The following PLEKHA5 variants were observed in gnomAD, a reference collection of about 807,000 sequenced individuals.
PLEKHA5 encodes the protein pleckstrin homology domain-containing family A member 5.
Under a neutral mutation model 181.9 loss-of-function variants are expected in PLEKHA5, and 55 were observed. That is an observed-to-expected ratio of 0.30 (90% confidence interval 0.24 to 0.38). The LOEUF is 0.38. PLEKHA5 is among the 10% of genes least tolerant of loss of function. PLEKHA5 has a pLI of 1.00. For synonymous variants in PLEKHA5, 535 were observed against 529.4 expected, an observed-to-expected ratio of 1.01 and a Z score of -0.15; for missense variants, 1,432 against 1,549.5, an observed-to-expected ratio of 0.92 and a Z score of 1.27.
chr12:19,315,089 C>T (rs987203413), intron 16 of PLEKHA5, among the ~76,000 whole-genome samples, 195 bp downstream of exon 16: 5 of 151,438 alleles, frequency 3.3e-5, no homozygotes, highest in Admixed American at 6.6e-5. Flanking sequence ...CTTCGCTGAA[C>T]ATTTTGCTGT....
At chr12:19,302,697 T>C (rs2081891031) in intron 15 of PLEKHA5, among the ~76,000 whole-genome samples, 1 of 152,024 alleles carries the variant, frequency 6.6e-6, no homozygotes, top group South Asian at 2.1e-4. Context: ...ACCCCCAGCC[T>C]ACTGGTGTAG....
chr12:19,187,280 A>G (rs186149248), intron 3 of PLEKHA5, among the ~76,000 whole-genome samples: 7 of 152,314 alleles, frequency 4.6e-5, no homozygotes, highest in African/African-American at 1.7e-4. Context: ...GGTAGTACAC[A>G]TGGTGAATGA....
At chr12:19,195,073 T>G (rs2151997571) in intron 3 of PLEKHA5, among the ~76,000 whole-genome samples, 1 of 152,200 alleles carries the variant, frequency 6.6e-6, no homozygotes, top group Non-Finnish European at 1.5e-5. Context: ...TTCTGTAGGG[T>G]GAGAAATAGT....
At chr12:19,137,643 C>T (rs552714162) in intron 3 of PLEKHA5, among the ~76,000 whole-genome samples, 28 of 152,274 alleles carry the variant, frequency 1.8e-4, no homozygotes, top group African/African-American at 6.7e-4. Flanking sequence ...GCATTAAACT[C>T]CTATAATCCT....
intron 15 of PLEKHA5, among the ~76,000 whole-genome samples, chr12:19,310,925 T>A (rs1398154162): frequency 6.6e-6 from 1 of 152,212 alleles, no homozygotes; most frequent in Non-Finnish European, 1.5e-5. Context: ...CAGCAAGTCC[T>A]AATCTTTTTG....
chr12:19,372,774 CTTTTTTT>C (rs1178948068), intron 31 of PLEKHA5: 7 of 139,398 alleles, frequency 5.0e-5, no homozygotes, highest in Admixed American at 3.6e-4. Flanking sequence ...TTTCTTTTTT[CTTTTTTT>C]TTTTTTTGTT....
chr12:19,315,664 G>A (rs568219731), intron 16 of PLEKHA5, among the ~76,000 whole-genome samples: 233 of 152,052 alleles, frequency 1.5e-3, no homozygotes, highest in Non-Finnish European at 2.7e-3. Context: ...TTACTCTGGC[G>A]TATGACCTTT....
chr12:19,182,265 G>GT (rs1262252116), intron 3 of PLEKHA5, among the ~76,000 whole-genome samples: 1 of 152,158 alleles, frequency 6.6e-6, no homozygotes, highest in Non-Finnish European at 1.5e-5. Context: ...GAAGCAGATT[G>GT]TTTTTTCGCA....
intron 11 of PLEKHA5, among the ~76,000 whole-genome samples, chr12:19,281,602 AAC>A (rs1038994158): frequency 2.6e-5 from 4 of 152,014 alleles, no homozygotes; most frequent in African/African-American, 9.7e-5. Context: ...ATAATAGGGA[AAC>A]ACAAATGCTA....
intron 3 of PLEKHA5, among the ~76,000 whole-genome samples, chr12:19,158,914 C>G (rs907508272): frequency 6.6e-6 from 1 of 152,056 alleles, no homozygotes; most frequent in African/African-American, 2.4e-5. Context: ...TATATTTTAA[C>G]TTGTAAGTGA....
chr12:19,266,767 G>C (rs1362439406), intron 8 of PLEKHA5, among the ~76,000 whole-genome samples: 1 of 152,094 alleles, frequency 6.6e-6, no homozygotes, highest in African/African-American at 2.4e-5. Flanking sequence ...CTAGGTGACA[G>C]AGTGAGACTC....
chr12:19,276,012 G>T (rs80089630), intron 11 of PLEKHA5, among the ~76,000 whole-genome samples: 2 of 152,110 alleles, frequency 1.3e-5, no homozygotes, highest in Non-Finnish European at 2.9e-5. Flanking sequence ...AACACATTTC[G>T]GGACAACAGC....
intron 3 of PLEKHA5, among the ~76,000 whole-genome samples, chr12:19,167,772 TG>T (rs1183303136): frequency 6.6e-6 from 1 of 152,100 alleles, no homozygotes; most frequent in Non-Finnish European, 1.5e-5. Context: ...ATTACAACTA[TG>T]ATCAGCTTGG....
intron 3 of PLEKHA5, among the ~76,000 whole-genome samples, chr12:19,149,158 A>G (rs551738524): frequency 6.6e-6 from 1 of 152,212 alleles, no homozygotes; most frequent in Non-Finnish European, 1.5e-5. Context: ...ATATATTATC[A>G]GAGTTGAATA....
At chr12:19,297,602 C>G (rs2080208746) in intron 15 of PLEKHA5, among the ~76,000 whole-genome samples, 1 of 142,896 alleles carries the variant, frequency 7.0e-6, no homozygotes, top group Admixed American at 7.2e-5. Context: ...GCAGTCCGGC[C>G]TGGGCGACAG....
At chr12:19,186,001 T>C (rs1782697127) in intron 3 of PLEKHA5, among the ~76,000 whole-genome samples, 1 of 152,198 alleles carries the variant, frequency 6.6e-6, no homozygotes, top group Non-Finnish European at 1.5e-5. Flanking sequence ...TTTCATTTGT[T>C]ATCTGTCTCT....
intron 6 of PLEKHA5, among the ~76,000 whole-genome samples, chr12:19,259,505 CTT>C (rs1166266412): frequency 2.0e-5 from 3 of 152,134 alleles, no homozygotes; most frequent in Non-Finnish European, 2.9e-5. Context: ...TATTCCAACA[CTT>C]TGGGAGGCCA....
At chr12:19,252,297 C>T (rs146220455) in intron 3 of PLEKHA5, among the ~76,000 whole-genome samples, 279 of 152,174 alleles carry the variant, frequency 1.8e-3, no homozygotes, top group African/African-American at 5.2e-3. Flanking sequence ...AGCACATGTA[C>T]TAATATTTTA....
chr12:19,149,006 C>G (rs572289602), intron 3 of PLEKHA5, among the ~76,000 whole-genome samples: 6 of 152,184 alleles, frequency 3.9e-5, no homozygotes, highest in Admixed American at 2.6e-4. Context: ...AAGTAAAGTC[C>G]TTTGGGGTTG....
Sources: allele counts gnomAD v4.1 joint callset (sites outside exome capture counted in the v4.1 genomes callset), GRCh38; gene constraint gnomAD v4.1.1; transcripts MANE v1.5; gene names NCBI Gene and HGNC (gene_info 2026-07-23, HGNC 2026-07-21).